Variants in CLXN observed in about 807,000 individuals in gnomAD.
CLXN encodes calaxin, also known as EF-hand calcium binding domain 1.
the CLXN span, among the ~76,000 whole-genome samples, chr8:48,716,851 T>C: frequency 7.9e-5 from 12 of 152,096 alleles, no homozygotes; most frequent in Non-Finnish European, 1.6e-4. Flanking sequence ...ATATGCATTG[T>C]GAAAGTATCA....
At chr8:48,718,156 A>T in the CLXN span, among the ~76,000 whole-genome samples, 1 of 152,186 alleles carries the variant, frequency 6.6e-6, no homozygotes, top group African/African-American at 2.4e-5. Flanking sequence ...TTCCATGCAA[A>T]TGGTAACCAA....
chr8:48,729,854 C>G, the CLXN span: 1 of 1,611,906 alleles, frequency 6.2e-7, no homozygotes, highest in Non-Finnish European at 8.5e-7. Flanking sequence ...CCATTCAAAT[C>G]AAACACTTCA....
chr8:48,726,072 CCCAT>C, the CLXN span, among the ~76,000 whole-genome samples: 49 of 145,670 alleles, frequency 3.4e-4, no homozygotes, highest in South Asian at 4.5e-4. Flanking sequence ...ACCCACCTCA[CCCAT>C]CCATCCATCC....
the CLXN span, among the ~76,000 whole-genome samples, chr8:48,726,674 T>C: frequency 9.2e-6 from 1 of 108,390 alleles, no homozygotes; most frequent in Admixed American, 1.1e-4. Flanking sequence ...CATCCATGCA[T>C]CCATCCATCC....
the CLXN span, among the ~76,000 whole-genome samples, chr8:48,717,114 G>A: frequency 1.3e-5 from 2 of 152,220 alleles, no homozygotes; most frequent in Admixed American, 6.5e-5. Context: ...GCAGTGAGCC[G>A]AGATTGCACC....
the CLXN span, among the ~76,000 whole-genome samples, chr8:48,718,104 A>G: frequency 6.6e-6 from 1 of 152,182 alleles, no homozygotes; most frequent in Non-Finnish European, 1.5e-5. Context: ...CTTTAAATTT[A>G]AAGGCACATA....
At chr8:48,726,484 T>C in the CLXN span, among the ~76,000 whole-genome samples, 27 of 105,346 alleles carry the variant, frequency 2.6e-4, no homozygotes, top group East Asian at 1.0e-3. Context: ...ATCCATCCAT[T>C]CATCCATCCA....
the CLXN span, chr8:48,713,759 T>A: frequency 6.6e-6 from 1 of 152,198 alleles, no homozygotes; most frequent in Non-Finnish European, 1.5e-5. Flanking sequence ...GATTTTATGG[T>A]GCAAGCAATT....
the CLXN span, among the ~76,000 whole-genome samples, chr8:48,726,484 T>TCACCCATCCATC: frequency 9.5e-6 from 1 of 105,220 alleles, no homozygotes; most frequent in Admixed American, 9.3e-5. Context: ...ATCCATCCAT[T>TCACCCATCCATC]CATCCATCCA....
chr8:48,717,767 A>G, the CLXN span, among the ~76,000 whole-genome samples: 1 of 152,210 alleles, frequency 6.6e-6, no homozygotes, highest in Admixed American at 6.5e-5. Context: ...TGGGAGGATT[A>G]AAAGTATGGT....
At chr8:48,724,819 C>G in the CLXN span, 1 of 1,606,602 alleles carries the variant, frequency 6.2e-7, no homozygotes, top group Non-Finnish European at 8.5e-7. Context: ...AAAAGGTACT[C>G]AATTTAGTAT....
the CLXN span, among the ~76,000 whole-genome samples, chr8:48,714,140 G>C: frequency 2.0e-5 from 3 of 152,216 alleles, no homozygotes; most frequent in African/African-American, 7.2e-5. Flanking sequence ...ACTTAGCGGG[G>C]AGAAAAGTCA....
chr8:48,716,875 A>G, the CLXN span, among the ~76,000 whole-genome samples: 1 of 152,032 alleles, frequency 6.6e-6, no homozygotes, highest in African/African-American at 2.4e-5. Context: ...GGAGAAGAGA[A>G]AGAGTCAAGA....
At chr8:48,731,123 G>A in the CLXN span, among the ~76,000 whole-genome samples, 1 of 151,972 alleles carries the variant, frequency 6.6e-6, no homozygotes, top group Non-Finnish European at 1.5e-5. Context: ...TCTGATATAA[G>A]GTAAGAGAAA....
chr8:48,734,790 T>C, the CLXN span: 9 of 352,616 alleles, frequency 2.6e-5, no homozygotes, highest in East Asian at 3.7e-4. Flanking sequence ...TTACACCTCA[T>C]TGAGGCTAAC....
At chr8:48,718,010 A>G in the CLXN span, among the ~76,000 whole-genome samples, 1 of 152,320 alleles carries the variant, frequency 6.6e-6, no homozygotes, top group South Asian at 2.1e-4. Context: ...AAATGATTAT[A>G]GATTAAGCTG....
the CLXN span, chr8:48,731,358 A>T: frequency 8.1e-6 from 13 of 1,611,288 alleles, no homozygotes; most frequent in Non-Finnish European, 1.1e-5. Context: ...CTCTGTCCAT[A>T]ATCATGTCAT....
At chr8:48,719,436 G>T in the CLXN span, among the ~76,000 whole-genome samples, 2 of 152,050 alleles carry the variant, frequency 1.3e-5, no homozygotes, top group East Asian at 3.8e-4. Flanking sequence ...CTTGAGGCCA[G>T]TATCAACTTG....
chr8:48,726,870 A>AATCTATCTATCTATCTATCT, the CLXN span, among the ~76,000 whole-genome samples: 9 of 136,202 alleles, frequency 6.6e-5, no homozygotes, highest in African/African-American at 1.4e-4. Flanking sequence ...TGCATCTATC[A>AATCTATCTATCTATCTATCT]ATCTATCTAT....
Sources: gnomAD v4.1 joint callset for allele counts (sites outside exome capture counted in the v4.1 genomes callset) on GRCh38, gnomAD v4.1.1 for gene constraint, MANE v1.5 for transcripts, NCBI Gene and HGNC (gene_info 2026-07-23, HGNC 2026-07-21) for gene names.